SGCZ: variants seen among roughly 807,000 people sequenced by gnomAD.
SGCZ encodes the protein sarcoglycan zeta.
SGCZ carries 40 observed loss-of-function variants against 41.3 expected under a neutral mutation model. The ratio of observed to expected loss-of-function variants is 0.97; its 90% CI spans 0.75 to 1.26. SGCZ has a LOEUF of 1.26. SGCZ is among the 50% of genes most tolerant of loss of function. The probability of loss-of-function intolerance (pLI) is 0.00; values close to 1 mark genes in which losing one functional copy is unlikely to be tolerated. For missense variants in SGCZ, 552 were observed against 369.8 expected (o/e 1.49, Z -4.04); for synonymous variants, 206 against 137.5 (o/e 1.50, Z -3.49).
At chr8:14,852,355 A>G (rs1286005382) in intron 1 of SGCZ, among the ~76,000 whole-genome samples, 2 of 152,196 alleles carry the variant, frequency 1.3e-5, no homozygotes, top group East Asian at 3.8e-4. Context: ...AGGACAAAAA[A>G]TATTCAAAGA....
chr8:14,706,319 C>G (rs1339670315), intron 1 of SGCZ, among the ~76,000 whole-genome samples: 2 of 150,882 alleles, frequency 1.3e-5, no homozygotes, highest in Non-Finnish European at 2.9e-5. Flanking sequence ...TATTGGGATT[C>G]TTTTTGACAA....
intron 1 of SGCZ, among the ~76,000 whole-genome samples, chr8:14,745,001 C>G (rs1354504038): frequency 2.6e-5 from 4 of 152,140 alleles, no homozygotes; most frequent in African/African-American, 4.8e-5. Context: ...GACCCTAACA[C>G]TTAGCTCTCC....
chr8:14,767,542 G>T (rs76163207), intron 1 of SGCZ, among the ~76,000 whole-genome samples: 1 of 152,170 alleles, frequency 6.6e-6, no homozygotes, highest in Non-Finnish European at 1.5e-5. Flanking sequence ...AATGCAGATT[G>T]TAATGAGCTG....
At chr8:14,488,738 G>A (rs1801753827) in intron 2 of SGCZ, among the ~76,000 whole-genome samples, 1 of 138,612 alleles carries the variant, frequency 7.2e-6, no homozygotes, top group Admixed American at 7.5e-5. Context: ...CCTCGCTAAT[G>A]CAAACTCTCC....
At chr8:15,232,167 C>A (rs1423492970) in intron 1 of SGCZ, among the ~76,000 whole-genome samples, 2 of 152,114 alleles carry the variant, frequency 1.3e-5, no homozygotes, top group African/African-American at 4.8e-5. Context: ...TAAGCTCTGC[C>A]AAATTGTATT....
At chr8:14,831,109 A>G (rs1003899888) in intron 1 of SGCZ, among the ~76,000 whole-genome samples, 3 of 152,150 alleles carry the variant, frequency 2.0e-5, no homozygotes, top group African/African-American at 7.2e-5. Flanking sequence ...TCTGTAGCCT[A>G]ATATGACTCT....
At chr8:14,394,126 G>C (rs1473754011) in intron 2 of SGCZ, among the ~76,000 whole-genome samples, 1 of 144,452 alleles carries the variant, frequency 6.9e-6, no homozygotes, top group Non-Finnish European at 1.5e-5. Flanking sequence ...TTCATGCACT[G>C]CCCTACCGCC....
At chr8:14,340,353 C>G (rs1329115393) in intron 2 of SGCZ, among the ~76,000 whole-genome samples, 2 of 152,126 alleles carry the variant, frequency 1.3e-5, no homozygotes, top group Non-Finnish European at 2.9e-5. Flanking sequence ...ATTACAGCAA[C>G]AGTTTTATTG....
intron 1 of SGCZ, among the ~76,000 whole-genome samples, chr8:14,755,756 G>A (rs1799644385): frequency 6.6e-6 from 1 of 151,978 alleles, no homozygotes; most frequent in African/African-American, 2.4e-5. Flanking sequence ...TCATAACTGT[G>A]ATGAATGCTT....
chr8:14,159,029 A>G (rs1170788349), intron 5 of SGCZ, among the ~76,000 whole-genome samples: 1 of 152,178 alleles, frequency 6.6e-6, no homozygotes, highest in African/African-American at 2.4e-5. Flanking sequence ...TTGGCCTCCC[A>G]AAGTGCTGGG....
chr8:14,286,906 C>CA (rs1399580450), intron 3 of SGCZ, among the ~76,000 whole-genome samples: 52 of 151,918 alleles, frequency 3.4e-4, no homozygotes, highest in African/African-American at 1.0e-3. Context: ...CTAAAAATTT[C>CA]TTTGAAAAGT....
Position 14,277,191 on chromosome 8 carries a change from A to G in SGCZ, c.337-39512T>C, listed in dbSNP as rs76177796. Among the ~76,000 whole-genome samples, 1,506 of 152,268 alleles carry G rather than the reference A, an allele frequency of 9.9e-3. 33 individuals are homozygous for G. Among genetic ancestry groups the G allele is most frequent in the African/African-American group, 0.035 (1,444 of 41,562 alleles). On this transcript the variant is annotated intron_variant, in intron 3 of 7. Transcript: ENST00000382080. Reference sequence around the variant, plus strand: ...CCAGAATGACACAACTGACTTTTTCAATATGACATGTGCCAATGTCCCCAT... The same window carrying G: ...CCAGAATGACACAACTGACTTTTTCGATATGACATGTGCCAATGTCCCCAT...
intron 2 of SGCZ, among the ~76,000 whole-genome samples, chr8:14,413,456 G>C (rs1470538866): frequency 4.0e-5 from 6 of 151,802 alleles, no homozygotes; most frequent in Admixed American, 3.3e-4. Flanking sequence ...CCTCTTTTAA[G>C]ATTTCTGTCG....
intron 1 of SGCZ, among the ~76,000 whole-genome samples, chr8:14,673,243 TC>T (rs1808161529): frequency 2.0e-5 from 3 of 152,180 alleles, no homozygotes; most frequent in Admixed American, 6.5e-5. Flanking sequence ...TGGCTCTGTA[TC>T]CCCACCCAAA....
chr8:14,427,816 A>C (rs961985487), intron 2 of SGCZ, among the ~76,000 whole-genome samples: 4 of 152,178 alleles, frequency 2.6e-5, no homozygotes, highest in African/African-American at 9.6e-5. Context: ...AGTTGGCCCT[A>C]CTTACTCATG....
intron 1 of SGCZ, among the ~76,000 whole-genome samples, chr8:14,808,202 A>C (rs917365843): frequency 6.6e-6 from 1 of 152,228 alleles, no homozygotes; most frequent in South Asian, 2.1e-4. Flanking sequence ...CACCAAAAGC[A>C]ATGGCAACAA....
At chr8:14,719,840 C>G (rs1386525350) in intron 1 of SGCZ, among the ~76,000 whole-genome samples, 2 of 151,932 alleles carry the variant, frequency 1.3e-5, no homozygotes, top group African/African-American at 4.8e-5. Flanking sequence ...TTTTGCTGTG[C>G]AGAAGCTCTT....
chr8:14,662,914 A>C (rs746791532), intron 1 of SGCZ, among the ~76,000 whole-genome samples: 1 of 152,126 alleles, frequency 6.6e-6, no homozygotes, highest in Non-Finnish European at 1.5e-5. Flanking sequence ...GACAGTCTCT[A>C]GAAGATAGAA....
intron 1 of SGCZ, among the ~76,000 whole-genome samples, chr8:15,101,221 T>C (rs999092050): frequency 1.3e-5 from 2 of 152,186 alleles, no homozygotes; most frequent in Non-Finnish European, 2.9e-5. Flanking sequence ...AAATGTATAA[T>C]CCATGAAATT....
Sources: allele counts gnomAD v4.1 joint callset (sites outside exome capture counted in the v4.1 genomes callset), GRCh38; gene constraint gnomAD v4.1.1; transcripts MANE v1.5; gene names NCBI Gene and HGNC (gene_info 2026-07-23, HGNC 2026-07-21).